Variants in GRAMD2B observed in about 807,000 individuals in gnomAD.
GRAMD2B encodes GRAM domain containing 2B, also known as GRAM domain-containing protein 2B.
Under a neutral mutation model 59.2 loss-of-function variants are expected in GRAMD2B, and 41 were observed. The observed-to-expected ratio is 0.69, with a 90% CI of 0.54 to 0.90. GRAMD2B has a LOEUF of 0.90. Ranked by LOEUF, GRAMD2B falls within the 40% of genes least tolerant of loss-of-function variation. The pLI, the probability that GRAMD2B is intolerant of heterozygous loss-of-function variation, is 0.00. For missense variants in GRAMD2B, 424 were observed against 500.5 expected (o/e 0.85, Z 1.46); for synonymous variants, 161 against 182.7 (o/e 0.88, Z 0.96).
intron 1 of GRAMD2B, among the ~76,000 whole-genome samples, chr5:126,400,024 G>A (rs1195725738): frequency 6.7e-6 from 1 of 149,470 alleles, no homozygotes; most frequent in African/African-American, 2.5e-5. Context: ...ATTATTTTCT[G>A]TTTTATGGTT....
chr5:126,486,240 G>T (rs967312467), intron 11 of GRAMD2B, among the ~76,000 whole-genome samples: 5 of 152,076 alleles, frequency 3.3e-5, no homozygotes, highest in Admixed American at 6.5e-5. Flanking sequence ...CTCTATCATT[G>T]TTAACTTTAG....
At chr5:126,455,433 AAAAC>A (rs1433404940) in intron 1 of GRAMD2B, among the ~76,000 whole-genome samples, 1 of 152,176 alleles carries the variant, frequency 6.6e-6, no homozygotes, top group Non-Finnish European at 1.5e-5. Flanking sequence ...TCAGAAAAAA[AAAAC>A]AAACTGTTGG....
chr5:126,423,896 T>C lies in GRAMD2B; in HGVS notation c.83+207T>C, dbSNP rs563745673. 1.9e-4 allele frequency among the ~76,000 whole-genome samples: 29 copies of C among 152,314 alleles called. 1 individual carries two copies. In the Middle Eastern group the frequency reaches 0.027, roughly 143 times the overall value. On this transcript the variant is annotated intron_variant, in intron 1 of 13. Coordinates refer to ENST00000285689, the MANE Select transcript of GRAMD2B (RefSeq NM_023927.4). ...TTTAGATTGATTGAAAAGTCTACTG[T>C]AGGATTTAAACAAATTCTCTTAATT...
At chr5:126,363,415 T>C (rs765810248) in intron 1 of GRAMD2B, among the ~76,000 whole-genome samples, 6 of 152,178 alleles carry the variant, frequency 3.9e-5, no homozygotes, top group Non-Finnish European at 8.8e-5. Context: ...GTTTGTCAGT[T>C]CCTCAAAAAG....
chr5:126,445,285 A>C (rs1227611929), intron 1 of GRAMD2B, among the ~76,000 whole-genome samples: 2 of 152,130 alleles, frequency 1.3e-5, no homozygotes, highest in Non-Finnish European at 2.9e-5. Context: ...TCTCTTCCAC[A>C]ATAATTGAAC....
At chr5:126,391,616 G>T (rs1254066486) in intron 1 of GRAMD2B, among the ~76,000 whole-genome samples, 1 of 152,130 alleles carries the variant, frequency 6.6e-6, no homozygotes, top group Non-Finnish European at 1.5e-5. Flanking sequence ...GCAATAAAAA[G>T]GAATGAAGTA....
chr5:126,388,802 T>C (rs1033782017), intron 1 of GRAMD2B, among the ~76,000 whole-genome samples: 4 of 152,028 alleles, frequency 2.6e-5, no homozygotes, highest in Non-Finnish European at 2.9e-5. Flanking sequence ...TACATTATTA[T>C]ATACCACATT....
intron 1 of GRAMD2B, among the ~76,000 whole-genome samples, chr5:126,434,952 C>T (rs1213623919): frequency 6.6e-6 from 1 of 152,218 alleles, no homozygotes; most frequent in African/African-American, 2.4e-5. Context: ...CTGTTCTTGA[C>T]TTTGGGTCAG....
intron 1 of GRAMD2B, among the ~76,000 whole-genome samples, chr5:126,426,637 C>T (rs375493709): frequency 4.6e-5 from 7 of 152,312 alleles, no homozygotes; most frequent in African/African-American, 1.7e-4. Flanking sequence ...CCAACAGTCA[C>T]TTTCAAGTAC....
At chr5:126,370,152 AG>A (rs1754671660), upstream of GRAMD2B, among the ~76,000 whole-genome samples, 1 of 152,334 alleles carries the variant, frequency 6.6e-6, no homozygotes, top group Non-Finnish European at 1.5e-5. Context: ...CCTGGAATTT[AG>A]GGCATTCAGT....
At chr5:126,480,943 C>G in intron 8 of GRAMD2B, 2 of 552,522 alleles carry the variant, frequency 3.6e-6, no homozygotes, top group Non-Finnish European at 6.4e-6. Context: ...AGTAGACTAT[C>G]TTGGTGAGTT....
At chr5:126,490,732 T>C (rs9327409) in intron 13 of GRAMD2B, among the ~76,000 whole-genome samples, 106,080 of 152,064 alleles carry the variant, frequency 0.7, 39,030 homozygotes, top group Non-Finnish European at 0.84. Flanking sequence ...CTCCATGCTG[T>C]TGAAGGTCTT....
At chr5:126,407,091 T>C (rs1758328013) in intron 1 of GRAMD2B, among the ~76,000 whole-genome samples, 1 of 152,046 alleles carries the variant, frequency 6.6e-6, no homozygotes, top group Admixed American at 6.6e-5. Flanking sequence ...GCTTTCACCC[T>C]ACTTTTCTGA....
intron 1 of GRAMD2B, chr5:126,433,950 T>G (rs190831909): frequency 6.6e-6 from 1 of 152,242 alleles, no homozygotes; most frequent in Admixed American, 6.5e-5. Context: ...AGTCATAAGG[T>G]TGGCAAATCT....
chr5:126,422,199 A>AT (rs11293263), upstream of GRAMD2B, among the ~76,000 whole-genome samples: 60,653 of 143,922 alleles, frequency 0.42, 13,672 homozygotes, highest in Non-Finnish European at 0.51. Context: ...TTATGCACGG[A>AT]TTTTTTTTTT....
chr5:126,464,781 G>A (rs1767992231), intron 1 of GRAMD2B, among the ~76,000 whole-genome samples: 1 of 152,148 alleles, frequency 6.6e-6, no homozygotes, highest in East Asian at 1.9e-4. Flanking sequence ...GGGGATGAAT[G>A]GAGAGAGAGA....
At chr5:126,407,681 T>G (rs1451747269) in intron 1 of GRAMD2B, among the ~76,000 whole-genome samples, 1 of 152,038 alleles carries the variant, frequency 6.6e-6, no homozygotes, top group Non-Finnish European at 1.5e-5. Flanking sequence ...ATATCTTTAG[T>G]AACTTCCTCT....
chr5:126,401,084 T>C (rs1483836114), intron 1 of GRAMD2B, among the ~76,000 whole-genome samples: 1 of 152,104 alleles, frequency 6.6e-6, no homozygotes, highest in East Asian at 1.9e-4. Context: ...GTTTGGTTGA[T>C]GGTGTTTTAT....
intron 1 of GRAMD2B, among the ~76,000 whole-genome samples, chr5:126,412,578 G>A (rs1283302113): frequency 6.6e-6 from 1 of 151,990 alleles, no homozygotes; most frequent in African/African-American, 2.4e-5. Context: ...TTCTGTTTTT[G>A]TTGTGTCTTT....
Sources: allele counts gnomAD v4.1 joint callset (sites outside exome capture counted in the v4.1 genomes callset), GRCh38; gene constraint gnomAD v4.1.1; transcripts MANE v1.5; gene names NCBI Gene and HGNC (gene_info 2026-07-23, HGNC 2026-07-21).